RMND5A: variants seen among roughly 807,000 people sequenced by gnomAD.
RMND5A encodes E3 ubiquitin-protein transferase RMND5A.
In RMND5A, 17 loss-of-function variants were observed where a neutral mutation model predicts 49.7. The ratio of observed to expected loss-of-function variants is 0.34; its 90% CI spans 0.23 to 0.51. The LOEUF (loss-of-function observed/expected upper bound fraction) is 0.51. Among genes scored for constraint, RMND5A ranks in the 20% least tolerant of loss-of-function variants. RMND5A has a pLI of 0.96. For missense variants in RMND5A, 255 were observed against 471.3 expected, an observed-to-expected ratio of 0.54 and a Z score of 4.25; for synonymous variants, 156 against 167.7, an observed-to-expected ratio of 0.93 and a Z score of 0.54.
Position 86,746,502 on chromosome 2 carries a change from G to A in RMND5A, c.286-5394G>A, listed in dbSNP as rs935581624. 2.6e-5 allele frequency among the ~76,000 whole-genome samples: 4 copies of A among 152,142 alleles called. No individual in the cohort carries two copies. The South Asian group carries it at 8.3e-4, about 32-fold the overall frequency. ...ATCTTCACCAAAGACTTGTAAGGTC[G>A]AGATTATTGTCTCTAGATACAGATG... On this transcript the variant is annotated intron_variant, in intron 2 of 8. Transcript: ENST00000283632.
intron 2 of RMND5A, among the ~76,000 whole-genome samples, chr2:86,750,259 C>G (rs1050313554): frequency 1.8e-4 from 27 of 152,210 alleles, no homozygotes; most frequent in African/African-American, 6.5e-4. Context: ...TCATTTTCTT[C>G]TGTCTGAAGA....
chr2:86,741,759 C>A (rs1200868029), intron 2 of RMND5A, among the ~76,000 whole-genome samples: 4 of 151,354 alleles, frequency 2.6e-5, no homozygotes, highest in Non-Finnish European at 5.9e-5. Flanking sequence ...CTGTGTGATA[C>A]CTCTGACTAC....
intron 4 of RMND5A, among the ~76,000 whole-genome samples, chr2:86,760,809 A>C (rs921370831): frequency 6.6e-6 from 1 of 152,264 alleles, no homozygotes; most frequent in East Asian, 1.9e-4. Flanking sequence ...CTAAGCCTAC[A>C]GGAAGCTAAT....
intron 6 of RMND5A, 41 bp downstream of exon 6, chr2:86,766,065 C>T: frequency 1.3e-6 from 2 of 1,505,972 alleles, no homozygotes; most frequent in Non-Finnish European, 9.0e-7. Context: ...GTATGCACTG[C>T]ATTATCACCT....
At position 86,749,578 on chromosome 2, in the gene RMND5A, C is replaced by T. The variant is rs147887275; in HGVS notation, c.286-2318C>T. ...GCTAATTTTGTATTTTTAGTAGAGA[C>T]GAGGTTTCACCATGTTGGCCAGGTT... On this transcript the variant is annotated intron_variant, in intron 2 of 8. Transcript: ENST00000283632. Among the ~76,000 whole-genome samples, 1,126 of 152,022 alleles carry T rather than the reference C, an allele frequency of 7.4e-3. 15 individuals carry two copies. The highest frequency in any genetic ancestry group is 0.026 in the African/African-American group (1,075 of 41,420).
At chr2:86,772,975 G>C (rs2104414085) in intron 8 of RMND5A, among the ~76,000 whole-genome samples, 1 of 152,256 alleles carries the variant, frequency 6.6e-6, no homozygotes, top group South Asian at 2.1e-4. Flanking sequence ...CATCAGATTT[G>C]CTGCCCTTGA....
chr2:86,724,362 C>A (rs1440559224), intron 1 of RMND5A, among the ~76,000 whole-genome samples: 2 of 80,742 alleles, frequency 2.5e-5, no homozygotes, highest in African/African-American at 1.2e-4. Context: ...GAATTAGAAA[C>A]CTTAGGGTGG....
At chr2:86,734,744 C>T (rs895704842) in intron 1 of RMND5A, among the ~76,000 whole-genome samples, 1 of 148,910 alleles carries the variant, frequency 6.7e-6, no homozygotes, top group Non-Finnish European at 1.5e-5. Flanking sequence ...CGTGAGCCAT[C>T]GTACCTGGCA....
At chr2:86,767,402 C>A (rs1053740688) in intron 6 of RMND5A, among the ~76,000 whole-genome samples, 12 of 149,970 alleles carry the variant, frequency 8.0e-5, no homozygotes, top group African/African-American at 2.5e-4. Flanking sequence ...AACATAGTTA[C>A]GCACACTCAG....
chr2:86,720,338 T>G lies in RMND5A; in HGVS notation c.-330T>G, dbSNP rs568528961. On this transcript the variant is annotated 5_prime_UTR_variant, in exon 1 of 9. Transcript: ENST00000283632. ...GGTGCCGCCCGGGAGAACCAGGTCA[T>G]CGGTCGGTTCCCGTGAAAACAAAAA... The G allele has an allele frequency of 1.1e-4, 17 of 153,228 alleles. No homozygotes were observed. The highest frequency in any genetic ancestry group is 2.1e-4 in the South Asian group (1 of 4,830). The allele number at this position is 153,228 out of a possible 1,614,324, so 9.5% of individuals were successfully genotyped here.
intron 4 of RMND5A, among the ~76,000 whole-genome samples, chr2:86,755,503 C>G (rs961313849): frequency 1.3e-5 from 2 of 152,166 alleles, no homozygotes; most frequent in African/African-American, 4.8e-5. Context: ...GGTTGTTATT[C>G]AAGGTAATAT....
At position 86,720,790 on chromosome 2, in the gene RMND5A, C is replaced by T. The variant is rs1259465434; in HGVS notation, c.123C>T (p.His41=). The change falls in exon 1 of 9, where the codon CAC becomes CAT. Residue 41 remains histidine (H), a synonymous_variant. Transcript: ENST00000283632. The part of the protein sequence containing the change: ...ELIDYTGGLK[H]EILQSHGQDA... Reference sequence around the variant, plus strand: ...TCGACTACACCGGCGGCCTCAAGCACGAGATCCTGCAGAGCCACGGTAGGG... The same window carrying T: ...TCGACTACACCGGCGGCCTCAAGCATGAGATCCTGCAGAGCCACGGTAGGG... The T allele has an allele frequency of 1.4e-5, 22 of 1,594,032 alleles. No homozygotes were observed. Among genetic ancestry groups the T allele is most frequent in the Non-Finnish European group, 1.8e-5 (21 of 1,171,266 alleles).
chr2:86,758,685 C>T (rs572727832), intron 4 of RMND5A, among the ~76,000 whole-genome samples: 1 of 152,298 alleles, frequency 6.6e-6, no homozygotes, highest in African/African-American at 2.4e-5. Flanking sequence ...GTGAAAAGGA[C>T]AGAGACTCAC....
In RMND5A at chr2:86,753,440, C is replaced by T. The variant is rs537710325; in HGVS notation, c.421-18C>T. On this transcript the variant is annotated intron_variant, in intron 3 of 8. Coordinates refer to ENST00000283632, the MANE Select transcript of RMND5A (RefSeq NM_022780.4). ...TGATTACTGCTAACAAAAGTTCTTT[C>T]TTTCTTTCTTTTTCCAGGAATCTGG... 6.7e-7 allele frequency: 1 copy of T among 1,498,958 alleles called. No individual in the cohort carries two copies. The highest frequency in any genetic ancestry group is 9.2e-7 in the Non-Finnish European group (1 of 1,081,402). 92.9% of individuals were successfully genotyped at this position (1,498,958 alleles called of 1,614,324 possible).
chr2:86,752,355 CAA>C (rs1195204782), intron 3 of RMND5A, among the ~76,000 whole-genome samples: 4 of 152,186 alleles, frequency 2.6e-5, no homozygotes, highest in Admixed American at 6.5e-5. Flanking sequence ...GTATAGCAGA[CAA>C]GAGGAAAGGG....
chr2:86,777,440 C>T lies in RMND5A; in HGVS notation c.*4029C>T, dbSNP rs1672787975. On this transcript the variant is annotated 3_prime_UTR_variant, in exon 9 of 9. Transcript: ENST00000283632. ...GAGTGTGCATGTGTCTGAAGTTCACCATTGCCCCCACCTGCACCTAGCAAG... is the reference window on the plus strand; with the variant it reads ...GAGTGTGCATGTGTCTGAAGTTCACTATTGCCCCCACCTGCACCTAGCAAG... The T allele has an allele frequency of 6.6e-6, 1 of 152,114 alleles. No homozygotes were observed. The highest frequency in any genetic ancestry group is 1.5e-5 in the Non-Finnish European group (1 of 68,012). The allele number at this position is 152,114 out of a possible 1,614,324, so 9.4% of individuals were successfully genotyped here.
chr2:86,750,142 C>T (rs1190447007), intron 2 of RMND5A, among the ~76,000 whole-genome samples: 1 of 152,140 alleles, frequency 6.6e-6, no homozygotes, highest in African/African-American at 2.4e-5. Flanking sequence ...GGAGCAATGC[C>T]TATGAAAGAT....
At chr2:86,772,469 AAAAAC>A (rs1044656262) in intron 8 of RMND5A, among the ~76,000 whole-genome samples, 2 of 152,150 alleles carry the variant, frequency 1.3e-5, no homozygotes, top group African/African-American at 2.4e-5. Context: ...AACAAAAACA[AAAAAC>A]AAAACAAAAC....
chr2:86,773,214 A>G, intron 8 of RMND5A, 134 bp from the exon 9 acceptor site: 1 of 467,946 alleles, frequency 2.1e-6, no homozygotes. Context: ...CCTCAAAGCA[A>G]AATACAAACA....
Sources: gnomAD v4.1 joint callset for allele counts (sites outside exome capture counted in the v4.1 genomes callset) on GRCh38, gnomAD v4.1.1 for gene constraint, MANE v1.5 for transcripts, NCBI Gene and HGNC (gene_info 2026-07-23, HGNC 2026-07-21) for gene names.